The following CUX1 variants were observed in gnomAD, a reference collection of about 807,000 sequenced individuals.
CUX1 encodes the protein cut like homeobox 1, also known as protein CASP.
A neutral mutation model predicts 158.8 loss-of-function variants in CUX1; 31 were observed. That is an observed-to-expected ratio of 0.20 (90% CI 0.15 to 0.26). The LOEUF (loss-of-function observed/expected upper bound fraction) is 0.26, where lower values mean the gene tolerates loss of function less well. Among genes scored for constraint, CUX1 ranks in the 10% least tolerant of loss-of-function variants. CUX1 has a pLI of 1.00. For synonymous variants in CUX1, 879 were observed against 862.1 expected (o/e 1.02, Z -0.34); for missense variants, 1,589 against 2,014.6 (o/e 0.79, Z 4.04).
At chr7:102,197,626 G>T (rs1435013148) in intron 15 of CUX1, among the ~76,000 whole-genome samples, 1 of 152,094 alleles carries the variant, frequency 6.6e-6, no homozygotes, top group African/African-American at 2.4e-5. Context: ...AGTGGCCGCG[G>T]GTCCAATTGG....
intron 20 of CUX1, among the ~76,000 whole-genome samples, chr7:102,219,501 C>T (rs1355482975): frequency 6.6e-6 from 1 of 152,174 alleles, no homozygotes; most frequent in Non-Finnish European, 1.5e-5. Flanking sequence ...CTTGTAAGGG[C>T]ACAGACCTTC....
At chr7:102,061,797 G>A (rs1418438184) in intron 3 of CUX1, among the ~76,000 whole-genome samples, 3 of 152,184 alleles carry the variant, frequency 2.0e-5, no homozygotes, top group Non-Finnish European at 4.4e-5. Flanking sequence ...CACTTCGGAA[G>A]GCTGAGGCGG....
chr7:102,068,903 A>C (rs962286884), intron 3 of CUX1, among the ~76,000 whole-genome samples: 5 of 152,230 alleles, frequency 3.3e-5, no homozygotes, highest in Non-Finnish European at 7.3e-5. Flanking sequence ...GGCTCTTTGC[A>C]TATGCGTCCA....
At chr7:102,125,177 A>G (rs1314381939) in intron 8 of CUX1, among the ~76,000 whole-genome samples, 1 of 151,826 alleles carries the variant, frequency 6.6e-6, no homozygotes, top group Non-Finnish European at 1.5e-5. Flanking sequence ...CTCTCCAGGA[A>G]CTCTTGAGCC....
At chr7:102,106,395 A>G (rs1393730243) in intron 6 of CUX1, among the ~76,000 whole-genome samples, 1 of 151,960 alleles carries the variant, frequency 6.6e-6, no homozygotes, top group Non-Finnish European at 1.5e-5. Flanking sequence ...GCTCTTGGTG[A>G]ATTTTTCTAA....
chr7:102,237,788 T>C (rs1035431996), intron 22 of CUX1, among the ~76,000 whole-genome samples: 2 of 152,194 alleles, frequency 1.3e-5, no homozygotes, highest in East Asian at 3.9e-4. Flanking sequence ...AGACTGGTAG[T>C]GGCCCCAAAT....
chr7:102,055,222 T>G (rs1414957394), intron 3 of CUX1, among the ~76,000 whole-genome samples: 1 of 151,980 alleles, frequency 6.6e-6, no homozygotes, highest in Non-Finnish European at 1.5e-5. Context: ...TTTTTTTTTT[T>G]ACTTTCACTT....
At chr7:102,050,185 T>C (rs1439451875) in intron 3 of CUX1, among the ~76,000 whole-genome samples, 1 of 152,158 alleles carries the variant, frequency 6.6e-6, no homozygotes. Flanking sequence ...ACATCATCAT[T>C]TGCCAGCGTG....
At chr7:102,077,805 A>G (rs950324163) in intron 4 of CUX1, among the ~76,000 whole-genome samples, 1 of 151,936 alleles carries the variant, frequency 6.6e-6, no homozygotes, top group African/African-American at 2.4e-5. Context: ...AAGCAAAATT[A>G]TGACAGTATG....
chr7:102,189,773 G>T (rs1794080063), intron 11 of CUX1, 40 bp from the exon 12 acceptor site: 1 of 1,610,218 alleles, frequency 6.2e-7, no homozygotes, highest in African/African-American at 1.3e-5. Context: ...TCGACCTGTT[G>T]TCAGGCATGG....
intron 2 of CUX1, among the ~76,000 whole-genome samples, chr7:102,008,044 C>A (rs560687698): frequency 6.6e-6 from 1 of 152,240 alleles, no homozygotes; most frequent in Non-Finnish European, 1.5e-5. Flanking sequence ...GGTTCTGTTA[C>A]CTTCGTCCAA....
Position 102,253,365 on chromosome 7 carries a change from G to C in CUX1, c.*4323G>C. 1 of 985,444 alleles carries C rather than the reference G, an allele frequency of 1.0e-6. No homozygotes were observed. The highest frequency in any genetic ancestry group is 1.2e-6 in the Non-Finnish European group (1 of 829,950). 61.0% of individuals were successfully genotyped at this position (985,444 alleles called of 1,614,324 possible). A position where few individuals can be genotyped will look rare whatever the true frequency, so the allele number is the denominator to read the frequency against. ...TGCAAAGAGATCGCTGTGGGCCTCG[G>C]CTGACTACTTTAAGATTATGCCACA... is the stretch of plus-strand genomic sequence containing the variant. On this transcript the variant is annotated 3_prime_UTR_variant, in exon 24 of 24. Coordinates refer to ENST00000292535, the MANE Select transcript of CUX1 (RefSeq NM_181552.4).
chr7:101,852,357 C>T (rs1014302137), intron 1 of CUX1, among the ~76,000 whole-genome samples: 1 of 151,990 alleles, frequency 6.6e-6, no homozygotes, highest in Non-Finnish European at 1.5e-5. Flanking sequence ...GTGGCTCATG[C>T]CTGTAATCCC....
chr7:102,167,101 C>T (rs1227367489), intron 9 of CUX1, among the ~76,000 whole-genome samples: 1 of 151,892 alleles, frequency 6.6e-6, no homozygotes, highest in Non-Finnish European at 1.5e-5. Flanking sequence ...AACCCTGTCT[C>T]TACTAAAAAT....
At chr7:102,073,159 T>C (rs1826322153) in intron 4 of CUX1, among the ~76,000 whole-genome samples, 1 of 129,288 alleles carries the variant, frequency 7.7e-6, no homozygotes, top group East Asian at 2.3e-4. Flanking sequence ...GTAATCTCTT[T>C]TCTTTCTTTT....
intron 1 of CUX1, among the ~76,000 whole-genome samples, chr7:101,849,370 C>G (rs575398769): frequency 3.8e-4 from 58 of 152,100 alleles, no homozygotes; most frequent in African/African-American, 1.4e-3. Context: ...GTTTTTCCCC[C>G]CTCTCTGTGT....
chr7:102,024,683 A>T (rs1345969757), intron 2 of CUX1, among the ~76,000 whole-genome samples: 1 of 151,858 alleles, frequency 6.6e-6, no homozygotes, highest in Admixed American at 6.6e-5. Flanking sequence ...TTGAGTCCCC[A>T]CTGTGTGCCA....
At chr7:101,875,356 G>C (rs1195239739) in intron 1 of CUX1, among the ~76,000 whole-genome samples, 2 of 152,166 alleles carry the variant, frequency 1.3e-5, no homozygotes, top group Admixed American at 1.3e-4. Context: ...TTAGATTTCA[G>C]CTGCTTTGCA....
chr7:102,032,275 G>A (rs1214221860), intron 3 of CUX1, among the ~76,000 whole-genome samples: 2 of 152,062 alleles, frequency 1.3e-5, no homozygotes, highest in Admixed American at 1.3e-4. Context: ...TCATTATGAT[G>A]TGTTCCTATT....
Sources: gnomAD v4.1 joint callset for allele counts (sites outside exome capture counted in the v4.1 genomes callset) on GRCh38, gnomAD v4.1.1 for gene constraint, MANE v1.5 for transcripts, NCBI Gene and HGNC (gene_info 2026-07-23, HGNC 2026-07-21) for gene names.